Variants in RORA observed in about 807,000 individuals in gnomAD.
RORA encodes RAR related orphan receptor A.
Under a neutral mutation model 69.5 loss-of-function variants are expected in RORA, and 7 were observed. That is an observed-to-expected ratio of 0.10 (90% confidence interval 0.06 to 0.19). The LOEUF (loss-of-function observed/expected upper bound fraction) is 0.19. Among genes scored for constraint, RORA ranks in the 10% least tolerant of loss-of-function variants. The probability of loss-of-function intolerance (pLI) is 1.00; values close to 1 mark genes in which losing one functional copy is unlikely to be tolerated. For missense variants in RORA, 457 were observed against 663.0 expected (o/e 0.69, Z 3.41); for synonymous variants, 261 against 240.8 (o/e 1.08, Z -0.78).
Position 61,116,180 on chromosome 15 carries a change from G to A in RORA, c.166+112873C>T, listed in dbSNP as rs561172003. Among the ~76,000 whole-genome samples, 81 of 152,296 alleles carry A rather than the reference G, an allele frequency of 5.3e-4. 2 individuals carry two copies. Among genetic ancestry groups the A allele is most frequent in the African/African-American group, 1.9e-3 (78 of 41,554 alleles). On this transcript the variant is annotated intron_variant, in intron 1 of 10. Coordinates refer to ENST00000335670, the MANE Select transcript of RORA (RefSeq NM_134261.3). ...AGCAGGGAGACTAGCTATGAAAATG[G>A]AGTAATCATTCAGGTGTGGTACAGA...
chr15:60,839,404 T>G (rs1415774874), intron 1 of RORA, among the ~76,000 whole-genome samples: 1 of 152,184 alleles, frequency 6.6e-6, no homozygotes, highest in Non-Finnish European at 1.5e-5. Context: ...CAAACCACAC[T>G]AAAAATAAAT....
intron 1 of RORA, among the ~76,000 whole-genome samples, chr15:61,088,471 G>A (rs2078657497): frequency 6.6e-6 from 1 of 152,166 alleles, no homozygotes; most frequent in Admixed American, 6.5e-5. Context: ...AAAAAGCGGT[G>A]GGGGATGGGG....
At position 61,072,829 on chromosome 15, in the gene RORA, T is replaced by C. The variant is rs554187935; in HGVS notation, c.166+156224A>G. 1.7e-4 allele frequency among the ~76,000 whole-genome samples: 26 copies of C among 152,308 alleles called. 1 individual carries two copies. The South Asian group carries it at 5.0e-3, about 29-fold the overall frequency. On this transcript the variant is annotated intron_variant, in intron 1 of 10. Transcript: ENST00000335670. ...ATTAGGACTGCCTCATTGTTTGAAA[T>C]ATTGTTTTAAGGATTAAATGAGTAA...
intron 1 of RORA, among the ~76,000 whole-genome samples, chr15:60,975,057 G>A (rs1310596916): frequency 6.6e-6 from 1 of 152,182 alleles, no homozygotes; most frequent in African/African-American, 2.4e-5. Flanking sequence ...GAATGGGAGG[G>A]GAGCTGAGAG....
chr15:60,591,235 G>A (rs557113117), intron 2 of RORA, among the ~76,000 whole-genome samples: 10 of 152,296 alleles, frequency 6.6e-5, no homozygotes, highest in South Asian at 4.2e-4. Context: ...CCTGGCGGCC[G>A]GGCCTGCGAA....
Position 60,597,623 on chromosome 15 carries a change from C to T in RORA, c.197-65772G>A, listed in dbSNP as rs7173682. Among the ~76,000 whole-genome samples, 145 of 21,080 alleles carry T rather than the reference C, an allele frequency of 6.9e-3. 1 individual carries two copies. Among genetic ancestry groups the T allele is most frequent in the Middle Eastern group, 0.023 (1 of 44 alleles). 13.8% of individuals were successfully genotyped at this position (21,080 alleles called of 152,430 possible). ...ATATATATATATATATATATACATA[C>T]ATATATATACATATATATATATATA... On this transcript the variant is annotated intron_variant, in intron 2 of 10. Transcript: ENST00000335670.
chr15:61,189,856 C>CAAAAA (rs71125907), intron 1 of RORA, among the ~76,000 whole-genome samples: 1,415 of 42,884 alleles, frequency 0.033, 555 homozygotes, highest in Middle Eastern at 0.1. Context: ...GACTCTGTCT[C>CAAAAA]AAAAAAAAAA....
chr15:60,842,559 C>A (rs956844431), intron 1 of RORA, among the ~76,000 whole-genome samples: 1 of 152,190 alleles, frequency 6.6e-6, no homozygotes, highest in African/African-American at 2.4e-5. Flanking sequence ...GATGAAGCAG[C>A]TTCAGAAGGC....
chr15:60,563,785 A>C (rs554493900), intron 2 of RORA, among the ~76,000 whole-genome samples: 1 of 152,136 alleles, frequency 6.6e-6, no homozygotes, highest in South Asian at 2.1e-4. Flanking sequence ...CACATCTTCT[A>C]GTTCACTGTG....
intron 1 of RORA, among the ~76,000 whole-genome samples, chr15:60,750,257 T>C (rs2071704813): frequency 6.6e-6 from 1 of 152,194 alleles, no homozygotes; most frequent in East Asian, 1.9e-4. Context: ...ACCCAGGTCA[T>C]ATCTACAGCT....
chr15:60,509,847 G>C (rs888316775), intron 5 of RORA, among the ~76,000 whole-genome samples: 2 of 151,532 alleles, frequency 1.3e-5, no homozygotes, highest in African/African-American at 4.8e-5. Flanking sequence ...CTAGTTCAGA[G>C]GTTTCTCTGT....
At chr15:61,106,139 T>C (rs1051667612) in intron 1 of RORA, among the ~76,000 whole-genome samples, 24 of 152,330 alleles carry the variant, frequency 1.6e-4, no homozygotes, top group African/African-American at 5.5e-4. Flanking sequence ...CTAGTTCTCA[T>C]CAAAGTTTAG....
rs150023012 is a variant in RORA at position 60,818,570 on chromosome 15, T to C, written c.167-139884A>G. On this transcript the variant is annotated intron_variant, in intron 1 of 10. Coordinates refer to ENST00000335670, the MANE Select transcript of RORA (RefSeq NM_134261.3). ...ATAACCAGGATGAAGTGTTCTTCCTTTGGGACTCTAGAGCCTTCAAAGGTC... is the reference window on the plus strand; with the variant it reads ...ATAACCAGGATGAAGTGTTCTTCCTCTGGGACTCTAGAGCCTTCAAAGGTC... 7.6e-3 allele frequency among the ~76,000 whole-genome samples: 1,151 copies of C among 152,296 alleles called. 17 individuals are homozygous for C. Among genetic ancestry groups the C allele is most frequent in the African/African-American group, 0.025 (1,058 of 41,562 alleles).
intron 1 of RORA, among the ~76,000 whole-genome samples, chr15:60,749,974 G>A (rs1161683679): frequency 6.6e-6 from 1 of 152,198 alleles, no homozygotes; most frequent in East Asian, 1.9e-4. Flanking sequence ...AGGCTGCGGT[G>A]AGCCATGAGT....
At chr15:61,216,538 G>C (rs1212241408) in intron 1 of RORA, among the ~76,000 whole-genome samples, 1 of 152,040 alleles carries the variant, frequency 6.6e-6, no homozygotes, top group Non-Finnish European at 1.5e-5. Flanking sequence ...TAAAGGGAAG[G>C]GAGGGCAAGG....
intron 1 of RORA, among the ~76,000 whole-genome samples, chr15:60,908,990 C>A (rs1261266640): frequency 6.6e-6 from 1 of 152,022 alleles, no homozygotes; most frequent in Non-Finnish European, 1.5e-5. Flanking sequence ...AGTGGCTAAA[C>A]CTCTTTGTCA....
At chr15:60,894,886 G>A (rs1043332739) in intron 1 of RORA, among the ~76,000 whole-genome samples, 1 of 152,172 alleles carries the variant, frequency 6.6e-6, no homozygotes, top group African/African-American at 2.4e-5. Context: ...AGCAGGCAAG[G>A]CGGGAAATGA....
intron 1 of RORA, among the ~76,000 whole-genome samples, chr15:60,846,251 C>T (rs1299325366): frequency 6.6e-6 from 1 of 152,198 alleles, no homozygotes; most frequent in Non-Finnish European, 1.5e-5. Context: ...CAGGTCAGAA[C>T]CACATTGGTG....
intron 1 of RORA, among the ~76,000 whole-genome samples, chr15:61,032,410 C>G (rs1251657143): frequency 6.6e-6 from 1 of 152,194 alleles, no homozygotes; most frequent in Non-Finnish European, 1.5e-5. Context: ...AACTCACAAC[C>G]TTGAAAGTGA....
Sources: allele counts gnomAD v4.1 joint callset (sites outside exome capture counted in the v4.1 genomes callset), GRCh38; gene constraint gnomAD v4.1.1; transcripts MANE v1.5; gene names NCBI Gene and HGNC (gene_info 2026-07-23, HGNC 2026-07-21).